The following CD163L1 variants were observed in gnomAD, a reference collection of about 807,000 sequenced individuals.
CD163L1 encodes the protein scavenger receptor cysteine-rich type 1 protein M160.
Under a neutral mutation model 165.4 loss-of-function variants are expected in CD163L1, and 124 were observed. The ratio of observed to expected loss-of-function variants is 0.75; its 90% CI spans 0.65 to 0.87. The LOEUF is 0.87. Among genes scored for constraint, CD163L1 ranks in the 40% least tolerant of loss-of-function variants. The pLI, the probability that CD163L1 is intolerant of heterozygous loss-of-function variation, is 0.00. For missense variants in CD163L1, 1,525 were observed against 1,799.9 expected (o/e 0.85, Z 2.76); for synonymous variants, 585 against 662.2 (o/e 0.88, Z 1.79).
At position 7,396,511 on chromosome 12, in the gene CD163L1, A is replaced by G. The variant is rs183835337; in HGVS notation, c.1730-96T>C. 3.1e-3 allele frequency: 3,646 copies of G among 1,181,866 alleles called. 7 individuals are homozygous for G. Among genetic ancestry groups the G allele is most frequent in the Non-Finnish European group, 3.8e-3 (3,212 of 854,806 alleles). 73.2% of individuals were successfully genotyped at this position (1,181,866 alleles called of 1,614,324 possible). On this transcript the variant is annotated intron_variant, in intron 7 of 19. Transcript: ENST00000313599. ...CTATGATACCCAGTTATTTGGTCAAACACCAGTCTAGATGGTGCTGTGAAG... is the reference window on the plus strand; with the variant it reads ...CTATGATACCCAGTTATTTGGTCAAGCACCAGTCTAGATGGTGCTGTGAAG...
At chr12:7,381,428 CTAAA>C (rs1226301378) in intron 8 of CD163L1, among the ~76,000 whole-genome samples, 1 of 151,852 alleles carries the variant, frequency 6.6e-6, no homozygotes, top group Non-Finnish European at 1.5e-5. Flanking sequence ...AGATGATTCT[CTAAA>C]TAAAACTCCC....
chr12:7,421,096 T>TACGTATATATATAC (rs1173187718), intron 4 of CD163L1, among the ~76,000 whole-genome samples: 3 of 109,366 alleles, frequency 2.7e-5, no homozygotes, highest in African/African-American at 8.9e-5. Flanking sequence ...CGTATATATA[T>TACGTATATATATAC]GTATATATAC....
chr12:7,389,946 T>A (rs1341037243), intron 8 of CD163L1, among the ~76,000 whole-genome samples: 5 of 126,824 alleles, frequency 3.9e-5, no homozygotes, highest in East Asian at 2.4e-4. Flanking sequence ...ATTAAACATT[T>A]TATATATATA....
At chr12:7,322,279 CAACAAGTATTTG>C in the CD163L1 span, 1 of 1,206,256 alleles carries the variant, frequency 8.3e-7, no homozygotes, top group Admixed American at 1.9e-5. Context: ...AGCAGGTGTT[CAACAAGTATTTG>C]TTGAATGAAC....
chr12:7,379,766 C>T (rs1947346004), intron 8 of CD163L1, among the ~76,000 whole-genome samples: 1 of 151,824 alleles, frequency 6.6e-6, no homozygotes, highest in African/African-American at 2.4e-5. Context: ...AATGGAGAAA[C>T]TTGCCTATTA....
intron 18 of CD163L1, among the ~76,000 whole-genome samples, chr12:7,365,044 C>T (rs1376425532): frequency 1.3e-5 from 2 of 152,000 alleles, no homozygotes; most frequent in Non-Finnish European, 2.9e-5. Flanking sequence ...ATTATAGTAA[C>T]CAAATCAGCA....
intron 2 of CD163L1, among the ~76,000 whole-genome samples, chr12:7,437,125 T>C (rs1181808626): frequency 1.7e-5 from 2 of 120,826 alleles, no homozygotes; most frequent in African/African-American, 3.6e-5. Flanking sequence ...TATATATTTT[T>C]ATTTATTTTA....
chr12:7,367,971 A>G, intron 17 of CD163L1, 116 bp downstream of exon 17: 1 of 680,310 alleles, frequency 1.5e-6, no homozygotes, highest in East Asian at 2.5e-5. Context: ...GGCACTTTCC[A>G]ATCCATCTCA....
chr12:7,399,425 C>CTTCTTTCCTT (rs1183771533), intron 6 of CD163L1, among the ~76,000 whole-genome samples: 1 of 7,854 alleles, frequency 1.3e-4, no homozygotes, highest in Non-Finnish European at 3.1e-4. Flanking sequence ...CTTCCCCTCC[C>CTTCTTTCCTT]CCATTCTTCT....
intron 4 of CD163L1, among the ~76,000 whole-genome samples, chr12:7,411,585 G>C (rs1018910143): frequency 3.9e-5 from 6 of 152,300 alleles, no homozygotes; most frequent in Admixed American, 1.3e-4. Context: ...CATGTGATAT[G>C]CTGACTTCCC....
rs1160322291 is a variant in CD163L1 at position 7,347,382 on chromosome 12, T to C, written c.*25-235A>G. 1.3e-5 allele frequency among the ~76,000 whole-genome samples: 2 copies of C among 152,198 alleles called. No individual in the cohort carries two copies. The highest frequency in any genetic ancestry group is 4.8e-5 in the African/African-American group (2 of 41,440). On this transcript the variant is annotated intron_variant, in intron 4 of 4. Transcript: ENST00000539726. The surrounding 1 kb of genome is among the most constrained non-coding windows in gnomAD (Gnocchi z 4.2). ...AAAATATTCTTTGTAACCCAATCTC[T>C]GGGATGTTAAAAGTTAGCCTAATAG...
chr12:7,367,991 G>C (rs1947057382), intron 17 of CD163L1, 96 bp downstream of exon 17: 7 of 737,972 alleles, frequency 9.5e-6, no homozygotes, highest in Non-Finnish European at 4.9e-6. Flanking sequence ...ACTCAAAGTG[G>C]CAAGTGCATT....
Position 7,379,011 on chromosome 12 carries a change from G to T in CD163L1, c.2338C>A (p.His780Asn). 6.2e-7 allele frequency: 1 copy of T among 1,609,032 alleles called. No individual in the cohort carries two copies. Among genetic ancestry groups the T allele is most frequent in the South Asian group, 1.1e-5 (1 of 91,020 alleles). ...ATCAAACTTGCTTCCATATTTAAAT[G>T]ACACGCAGTCTGTTTCCACTCCCAT... ...IRWEWKQTAC[H>N]LNMEASLICS... is the part of the protein sequence containing the mutation. The change falls in exon 9 of 20, where the codon CAT (histidine) becomes AAT (asparagine). Residue 780 changes from histidine to asparagine, a missense_variant. Transcript: ENST00000313599.
At chr12:7,434,511 A>G (rs1447989774) in intron 2 of CD163L1, among the ~76,000 whole-genome samples, 1 of 152,330 alleles carries the variant, frequency 6.6e-6, no homozygotes. Context: ...TGGAAAACCA[A>G]TGTGAAGGGA....
At chr12:7,377,985 C>G (rs1353798310) in intron 9 of CD163L1, among the ~76,000 whole-genome samples, 2 of 152,058 alleles carry the variant, frequency 1.3e-5, no homozygotes, top group African/African-American at 4.8e-5. Context: ...ATCTCATATC[C>G]AATTTCCTCC....
chr12:7,328,276 C>T, the CD163L1 span: 2 of 1,567,576 alleles, frequency 1.3e-6, no homozygotes, highest in Non-Finnish European at 1.7e-6. Flanking sequence ...ACGTTTTTTT[C>T]TGTCAATTAG....
At position 7,370,948 on chromosome 12, in the gene CD163L1, C is replaced by T. The variant is rs192448758; in HGVS notation, c.3731-1283G>A. ...CAAACTGTAGCTCCCATAATTCCCA[C>T]GTGTTGTGGGGGGGACCTGGTGGGA... On this transcript the variant is annotated intron_variant, in intron 14 of 19. Coordinates refer to ENST00000313599, the MANE Select transcript of CD163L1 (RefSeq NM_174941.6). Among the ~76,000 whole-genome samples, 13 of 152,232 alleles carry T rather than the reference C, an allele frequency of 8.5e-5. No individual in the cohort carries two copies. The South Asian group carries it at 1.2e-3, about 15-fold the overall frequency.
At chr12:7,340,932 T>A in the CD163L1 span, among the ~76,000 whole-genome samples, 1 of 152,204 alleles carries the variant, frequency 6.6e-6, no homozygotes, top group Admixed American at 6.5e-5. Context: ...CATTCACTGA[T>A]GCATACAAAT....
chr12:7,435,330 A>G (rs1316799684), intron 2 of CD163L1, among the ~76,000 whole-genome samples: 2 of 151,842 alleles, frequency 1.3e-5, no homozygotes, highest in African/African-American at 4.8e-5. Context: ...TATATTAGCA[A>G]CATATATTAT....
Sources: allele counts gnomAD v4.1 joint callset (sites outside exome capture counted in the v4.1 genomes callset), GRCh38; gene constraint gnomAD v4.1.1; non-coding constraint Gnocchi (gnomAD v3.1); transcripts MANE v1.5; gene names NCBI Gene and HGNC (gene_info 2026-07-23, HGNC 2026-07-21).